SPOCK3: variants seen among roughly 807,000 people sequenced by gnomAD.
SPOCK3 encodes SPARC (osteonectin), cwcv and kazal like domains proteoglycan 3.
A neutral mutation model predicts 56.6 loss-of-function variants in SPOCK3; 30 were observed. The ratio of observed to expected loss-of-function variants is 0.53; its 90% CI spans 0.40 to 0.72. The LOEUF (loss-of-function observed/expected upper bound fraction) is 0.72. Among genes scored for constraint, SPOCK3 ranks in the 30% least tolerant of loss-of-function variants. SPOCK3 has a pLI of 0.00. For missense variants in SPOCK3, 527 were observed against 530.0 expected, an observed-to-expected ratio of 0.99 and a Z score of 0.06; for synonymous variants, 196 against 183.3, an observed-to-expected ratio of 1.07 and a Z score of -0.56.
intron 4 of SPOCK3, among the ~76,000 whole-genome samples, chr4:166,974,958 C>T (rs925666648): frequency 6.6e-6 from 1 of 152,126 alleles, no homozygotes; most frequent in Non-Finnish European, 1.5e-5. Flanking sequence ...AATTAATTCT[C>T]TCATAGATTA....
At chr4:167,128,335 C>T (rs989155673) in intron 2 of SPOCK3, among the ~76,000 whole-genome samples, 1 of 152,188 alleles carries the variant, frequency 6.6e-6, no homozygotes, top group Non-Finnish European at 1.5e-5. Context: ...CTTCATCTTA[C>T]TGGACCTCTC....
intron 6 of SPOCK3, among the ~76,000 whole-genome samples, chr4:166,879,112 T>A (rs546258730): frequency 2.6e-5 from 4 of 152,032 alleles, no homozygotes; most frequent in African/African-American, 4.8e-5. Context: ...TTAAAAAAAA[T>A]ATATATGCAG....
At position 166,861,673 on chromosome 4, in the gene SPOCK3, T is replaced by A. The variant is rs912637355; in HGVS notation, c.589+27457A>T. Among the ~76,000 whole-genome samples the A allele has an allele frequency of 5.3e-5, 8 of 152,234 alleles. No homozygotes were observed. In the South Asian group the frequency reaches 1.5e-3, roughly 28 times the overall value. On this transcript the variant is annotated intron_variant, in intron 6 of 10. Transcript: ENST00000357545. ...AATAGGCAGCACTTCCCTGAAGAAC[T>A]GACCTCTGAACTCATGCTGGTCATC...
chr4:166,944,097 G>A (rs1235235475), intron 4 of SPOCK3, among the ~76,000 whole-genome samples: 1 of 152,022 alleles, frequency 6.6e-6, no homozygotes, highest in Non-Finnish European at 1.5e-5. Context: ...CAGTGAGACG[G>A]GTTTGCGCCA....
intron 2 of SPOCK3, among the ~76,000 whole-genome samples, chr4:167,082,526 C>T (rs1757798206): frequency 6.6e-6 from 1 of 151,956 alleles, no homozygotes; most frequent in Non-Finnish European, 1.5e-5. Context: ...TGAGGAATAT[C>T]TGTGGAAAGA....
At chr4:166,939,070 T>C (rs916764269) in intron 4 of SPOCK3, among the ~76,000 whole-genome samples, 3 of 152,154 alleles carry the variant, frequency 2.0e-5, no homozygotes, top group Admixed American at 6.5e-5. Context: ...AGATAGAGGC[T>C]CTATACAGTT....
intron 4 of SPOCK3, among the ~76,000 whole-genome samples, chr4:166,977,044 T>C (rs1255664780): frequency 2.0e-5 from 3 of 152,076 alleles, no homozygotes; most frequent in Admixed American, 1.3e-4. Context: ...GCCAGTCTTA[T>C]TTTGAAACTT....
chr4:166,936,453 T>G (rs990314916), intron 4 of SPOCK3, among the ~76,000 whole-genome samples: 4 of 152,200 alleles, frequency 2.6e-5, no homozygotes, highest in African/African-American at 9.6e-5. Context: ...ATAAGATAAA[T>G]TTTTCTAGAA....
chr4:166,827,505 T>C (rs1340414442), intron 6 of SPOCK3, among the ~76,000 whole-genome samples: 3 of 152,110 alleles, frequency 2.0e-5, no homozygotes, highest in Non-Finnish European at 1.5e-5. Context: ...TTGAATTCTC[T>C]AGTAGCAAGT....
chr4:166,880,156 T>C (rs1179925875), intron 6 of SPOCK3, among the ~76,000 whole-genome samples: 1 of 152,242 alleles, frequency 6.6e-6, no homozygotes, highest in Non-Finnish European at 1.5e-5. Context: ...CTTTATTTTA[T>C]TGAACTCCTG....
intron 2 of SPOCK3, among the ~76,000 whole-genome samples, chr4:167,187,026 T>C (rs529404532): frequency 2.2e-4 from 33 of 151,282 alleles, no homozygotes; most frequent in Non-Finnish European, 4.1e-4. Flanking sequence ...ATATAAGATA[T>C]CTCACTAAGA....
At chr4:166,864,896 T>C (rs1243960646) in intron 6 of SPOCK3, among the ~76,000 whole-genome samples, 1 of 151,710 alleles carries the variant, frequency 6.6e-6, no homozygotes, top group Non-Finnish European at 1.5e-5. Context: ...TTCTTCCAAA[T>C]GAAAGAAAAA....
intron 7 of SPOCK3, 80 bp downstream of exon 7, chr4:166,792,090 T>C: frequency 1.3e-6 from 2 of 1,495,266 alleles, no homozygotes; most frequent in Non-Finnish European, 1.9e-6. Context: ...TACTGAAATA[T>C]GTGTTTTGTT....
chr4:166,941,347 A>T (rs1184459036), intron 4 of SPOCK3, among the ~76,000 whole-genome samples: 2 of 152,210 alleles, frequency 1.3e-5, no homozygotes, highest in East Asian at 3.9e-4. Context: ...CATCTTGGTT[A>T]TTAACTCCGG....
chr4:166,792,540 G>T (rs1412250074), intron 6 of SPOCK3, among the ~76,000 whole-genome samples: 1 of 152,030 alleles, frequency 6.6e-6, no homozygotes, highest in Non-Finnish European at 1.5e-5. Flanking sequence ...ACACTTGGAG[G>T]ATTTGTATTG....
chr4:167,095,994 A>G (rs1440146579), intron 2 of SPOCK3, among the ~76,000 whole-genome samples: 1 of 151,698 alleles, frequency 6.6e-6, no homozygotes, highest in Non-Finnish European at 1.5e-5. Flanking sequence ...GATTCTAAAG[A>G]AAAAAAACCA....
At chr4:167,130,994 C>T (rs1269565162) in intron 2 of SPOCK3, among the ~76,000 whole-genome samples, 1 of 151,928 alleles carries the variant, frequency 6.6e-6, no homozygotes, top group Non-Finnish European at 1.5e-5. Flanking sequence ...GTTCAAGACT[C>T]TAGACCAAAT....
chr4:167,029,162 A>G (rs1752018284), intron 3 of SPOCK3, among the ~76,000 whole-genome samples: 1 of 152,020 alleles, frequency 6.6e-6, no homozygotes, highest in African/African-American at 2.4e-5. Context: ...AAGTGAGAAC[A>G]TTTGGTGTTT....
chr4:166,840,544 T>C (rs1355209621), intron 6 of SPOCK3, among the ~76,000 whole-genome samples: 1 of 152,126 alleles, frequency 6.6e-6, no homozygotes, highest in Non-Finnish European at 1.5e-5. Flanking sequence ...TTTTTGGGTT[T>C]TCTAGTTTGT....
Sources: gnomAD v4.1 joint callset for allele counts (sites outside exome capture counted in the v4.1 genomes callset) on GRCh38, gnomAD v4.1.1 for gene constraint, MANE v1.5 for transcripts, NCBI Gene and HGNC (gene_info 2026-07-23, HGNC 2026-07-21) for gene names.